PMVK: variants seen among roughly 807,000 people sequenced by gnomAD.
PMVK encodes the protein phosphomevalonate kinase.
A neutral mutation model predicts 19.0 loss-of-function variants in PMVK; 10 were observed. That is an observed-to-expected ratio of 0.53 (90% CI 0.32 to 0.89). The LOEUF (loss-of-function observed/expected upper bound fraction) is 0.89, where lower values mean the gene tolerates loss of function less well. Ranked by LOEUF, PMVK falls within the 40% of genes least tolerant of loss-of-function variation. The pLI is 0.03. For missense variants in PMVK, 222 were observed against 251.1 expected, an observed-to-expected ratio of 0.88 and a Z score of 0.78; for synonymous variants, 108 against 101.6, an observed-to-expected ratio of 1.06 and a Z score of -0.38.
chr1:154,928,906 C>G, intron 3 of PMVK, 118 bp downstream of exon 3: 2 of 997,112 alleles, frequency 2.0e-6, no homozygotes, highest in Non-Finnish European at 3.1e-6. Flanking sequence ...CTGCGACTGT[C>G]CAGGCCAGAA....
chr1:154,934,219 G>A (rs1441816096), intron 1 of PMVK, among the ~76,000 whole-genome samples: 7 of 152,218 alleles, frequency 4.6e-5, no homozygotes, highest in African/African-American at 1.2e-4. Context: ...GGCTGGTCTC[G>A]AACTCCTGAG....
intron 3 of PMVK, among the ~76,000 whole-genome samples, chr1:154,928,546 T>C (rs1407530889): frequency 1.3e-5 from 2 of 151,968 alleles, no homozygotes; most frequent in African/African-American, 4.8e-5. Context: ...CCAAGGTGGG[T>C]GGATCACCTG....
chr1:154,934,401 T>G (rs1268125071), intron 1 of PMVK, among the ~76,000 whole-genome samples: 1 of 152,134 alleles, frequency 6.6e-6, no homozygotes, highest in Non-Finnish European at 1.5e-5. Flanking sequence ...ACTACAATCT[T>G]GAACTCCTGG....
chr1:154,929,766 A>G (rs897446875), intron 2 of PMVK, among the ~76,000 whole-genome samples: 1 of 151,914 alleles, frequency 6.6e-6, no homozygotes, highest in Admixed American at 6.6e-5. Context: ...TACTCTGACC[A>G]CCCTGGGGAA....
chr1:154,926,551 T>C (rs937543196), intron 3 of PMVK, 68 bp from the exon 4 acceptor site: 130 of 1,488,386 alleles, frequency 8.7e-5, no homozygotes, highest in Middle Eastern at 1.7e-4. Context: ...GTGGGAGGAC[T>C]ACAGAACCCA....
chr1:154,927,648 TG>T (rs1175437664), intron 3 of PMVK, among the ~76,000 whole-genome samples: 1 of 152,054 alleles, frequency 6.6e-6, no homozygotes, highest in Non-Finnish European at 1.5e-5. Flanking sequence ...AGGTCCGCCC[TG>T]GGAAGTCTGA....
At chr1:154,928,130 T>C (rs2101967279) in intron 3 of PMVK, among the ~76,000 whole-genome samples, 1 of 152,318 alleles carries the variant, frequency 6.6e-6, no homozygotes, top group Admixed American at 6.5e-5. Context: ...TAGGAGCACC[T>C]GCCAGGGAGC....
chr1:154,926,209 T>G, intron 4 of PMVK, 145 bp downstream of exon 4: 1 of 711,122 alleles, frequency 1.4e-6, no homozygotes, highest in Non-Finnish European at 2.3e-6. Flanking sequence ...ACCCTCAGGA[T>G]TCTGTCCACC....
upstream of PMVK, among the ~76,000 whole-genome samples, chr1:154,938,608 A>C (rs1209578348): frequency 6.6e-6 from 1 of 152,106 alleles, no homozygotes; most frequent in Non-Finnish European, 1.5e-5. Context: ...AAAATAAAAA[A>C]AAACTTCCCC....
chr1:154,936,080 G>A (rs1226060421), intron 1 of PMVK, among the ~76,000 whole-genome samples: 1 of 152,040 alleles, frequency 6.6e-6, no homozygotes, highest in African/African-American at 2.4e-5. Context: ...AGGTGAAGAG[G>A]GTTTTTTGTT....
At chr1:154,931,233 C>T (rs1198274818) in intron 2 of PMVK, among the ~76,000 whole-genome samples, 1 of 152,126 alleles carries the variant, frequency 6.6e-6, no homozygotes, top group African/African-American at 2.4e-5. Context: ...GGGGACAATT[C>T]ATTTTATGTG....
upstream of PMVK, among the ~76,000 whole-genome samples, chr1:154,938,493 A>C (rs527558476): frequency 6.6e-6 from 1 of 152,254 alleles, no homozygotes; most frequent in South Asian, 2.1e-4. Flanking sequence ...GCTACTCAGG[A>C]GGCTGAGGCA....
Position 154,926,448 on chromosome 1 carries a change from C to A in PMVK, c.348G>T (p.Gln116His). Reference sequence around the variant, plus strand: ...CGGCCCCATAGGCCTCCCGAAACCACTGGATGTCAGACACTCTCCGTGTGT... The same window carrying A: ...CGGCCCCATAGGCCTCCCGAAACCAATGGATGTCAGACACTCTCCGTGTGT... ...VSDTRRVSDI[Q>H]WFREAYGAVT... The change falls in exon 4 of 5, where the codon CAG (glutamine) becomes CAT (histidine). Residue 116 changes from glutamine (Q) to histidine (H), a missense_variant. By Grantham distance (24) the Gln-to-His change is conservative. Transcript: ENST00000368467. 6.2e-7 allele frequency: 1 copy of A among 1,613,956 alleles called. No homozygotes were observed.
chr1:154,936,512 C>G (rs1654508107), intron 1 of PMVK, 79 bp downstream of exon 1: 4 of 1,537,610 alleles, frequency 2.6e-6, no homozygotes, highest in African/African-American at 2.7e-5. Flanking sequence ...CCAAAGCTCA[C>G]TCCGTGACAC....
intron 1 of PMVK, among the ~76,000 whole-genome samples, chr1:154,935,132 A>G (rs1321639643): frequency 6.6e-6 from 1 of 151,686 alleles, no homozygotes; most frequent in Non-Finnish European, 1.5e-5. Flanking sequence ...ATCACACACT[A>G]ATCAACAGTG....
chr1:154,931,006 T>C (rs1034683191), intron 2 of PMVK, among the ~76,000 whole-genome samples: 6 of 152,222 alleles, frequency 3.9e-5, no homozygotes, highest in Admixed American at 3.9e-4. Flanking sequence ...GGAGGATCAC[T>C]TGAGCCCAGG....
At chr1:154,936,553 G>A (rs747233760) in intron 1 of PMVK, 38 bp downstream of exon 1, 17 of 1,565,902 alleles carry the variant, frequency 1.1e-5, no homozygotes, top group African/African-American at 6.7e-5. Context: ...ACGTGATGCG[G>A]AGAGCTCCCC....
upstream of PMVK, among the ~76,000 whole-genome samples, chr1:154,939,358 C>T (rs564393818): frequency 3.3e-4 from 50 of 152,274 alleles, 2 homozygotes; most frequent in South Asian, 1.0e-2. Flanking sequence ...CATTATATAA[C>T]ATGCTCTGCC....
intron 4 of PMVK, 59 bp from the exon 5 acceptor site, chr1:154,925,324 A>G: frequency 6.3e-7 from 1 of 1,590,172 alleles, no homozygotes; most frequent in Non-Finnish European, 8.6e-7. Context: ...GCAGGCATCA[A>G]GGCCTGCTAA....
Sources: allele counts gnomAD v4.1 joint callset (sites outside exome capture counted in the v4.1 genomes callset), GRCh38; gene constraint gnomAD v4.1.1; transcripts MANE v1.5; gene names NCBI Gene and HGNC (gene_info 2026-07-23, HGNC 2026-07-21).